PTPRD: variants seen among roughly 807,000 people sequenced by gnomAD.
PTPRD encodes the protein receptor-type tyrosine-protein phosphatase delta.
Under a neutral mutation model 214.5 loss-of-function variants are expected in PTPRD, and 34 were observed. The observed-to-expected ratio is 0.16, with a 90% CI of 0.12 to 0.21. PTPRD has a LOEUF of 0.21. Ranked by LOEUF, PTPRD falls within the 10% of genes least tolerant of loss-of-function variation. The pLI is 1.00. For synonymous variants in PTPRD, 1,128 were observed against 845.7 expected, an observed-to-expected ratio of 1.33 and a Z score of -5.79; for missense variants, 2,545 against 2,398.7, an observed-to-expected ratio of 1.06 and a Z score of -1.27.
At chr9:8,845,442 T>C (rs933345174) in intron 11 of PTPRD, among the ~76,000 whole-genome samples, 1 of 152,188 alleles carries the variant, frequency 6.6e-6, no homozygotes, top group African/African-American at 2.4e-5. Flanking sequence ...ATTCAAGACT[T>C]TACAAGGCCC....
At chr9:9,883,050 G>T (rs2069356709) in intron 5 of PTPRD, among the ~76,000 whole-genome samples, 1 of 152,124 alleles carries the variant, frequency 6.6e-6, no homozygotes, top group Non-Finnish European at 1.5e-5. Flanking sequence ...ATGTTGTCAT[G>T]ATGCTTGTAC....
intron 19 of PTPRD, 105 bp from the exon 20 acceptor site, chr9:8,521,651 T>C (rs756309302): frequency 5.3e-5 from 71 of 1,331,980 alleles, no homozygotes; most frequent in South Asian, 1.1e-4. Context: ...AATTGAAACA[T>C]TGTGGATTGT....
chr9:10,278,660 C>A (rs7025419), intron 3 of PTPRD, among the ~76,000 whole-genome samples: 1 of 152,056 alleles, frequency 6.6e-6, no homozygotes, highest in South Asian at 2.1e-4. Flanking sequence ...ATTTTCAAAT[C>A]ACATTAAACT....
chr9:9,376,311 T>G (rs993047580), intron 9 of PTPRD, among the ~76,000 whole-genome samples: 3 of 152,192 alleles, frequency 2.0e-5, no homozygotes, highest in Non-Finnish European at 4.4e-5. Context: ...TGCTCAGGTT[T>G]GAGCTGCCTC....
At chr9:8,775,321 C>G (rs2095426586) in intron 11 of PTPRD, among the ~76,000 whole-genome samples, 1 of 151,994 alleles carries the variant, frequency 6.6e-6, no homozygotes, top group African/African-American at 2.4e-5. Flanking sequence ...AAAATGTTGC[C>G]TAAGCTTTCA....
At chr9:9,496,555 TAAAAACAAACAAAAAAC>T (rs1286809122) in intron 8 of PTPRD, among the ~76,000 whole-genome samples, 1 of 152,124 alleles carries the variant, frequency 6.6e-6, no homozygotes, top group African/African-American at 2.4e-5. Context: ...GGCTACTATT[TAAAAACAAACAAAAAAC>T]AAAAACAAAC....
chr9:10,174,190 G>A (rs1207672849), intron 3 of PTPRD, among the ~76,000 whole-genome samples: 2 of 152,154 alleles, frequency 1.3e-5, no homozygotes, highest in Non-Finnish European at 2.9e-5. Context: ...TAAACCTCAG[G>A]TTGAAATTTG....
At chr9:9,733,779 A>G (rs1172358749) in intron 7 of PTPRD, among the ~76,000 whole-genome samples, 1 of 152,194 alleles carries the variant, frequency 6.6e-6, no homozygotes, top group African/African-American at 2.4e-5. Context: ...AGATTTCTTC[A>G]TAGTATTAAA....
intron 8 of PTPRD, among the ~76,000 whole-genome samples, chr9:9,524,959 G>A (rs2073732697): frequency 1.3e-5 from 2 of 152,140 alleles, no homozygotes; most frequent in African/African-American, 2.4e-5. Context: ...CCAGGTTCAC[G>A]CCATTCTCCT....
intron 5 of PTPRD, among the ~76,000 whole-genome samples, chr9:9,882,935 CCTCCCTTCT>C (rs1565986090): frequency 1.3e-5 from 2 of 152,064 alleles, no homozygotes; most frequent in Non-Finnish European, 2.9e-5. Flanking sequence ...GAGTCTGAAA[CCTCCCTTCT>C]CTCTTTCTCC....
intron 8 of PTPRD, among the ~76,000 whole-genome samples, chr9:9,420,635 G>C (rs1587921385): frequency 6.6e-6 from 1 of 151,838 alleles, no homozygotes; most frequent in Admixed American, 6.6e-5. Flanking sequence ...CTTTGTATTA[G>C]TGAAAGTTGG....
chr9:9,998,146 A>ATATATATATATATATATATAT (rs1566998658), intron 4 of PTPRD, among the ~76,000 whole-genome samples: 9 of 137,726 alleles, frequency 6.5e-5, no homozygotes, highest in African/African-American at 2.2e-4. Context: ...ATATATATAT[A>ATATATATATATATATATATAT]AAAGAAGAAG....
chr9:8,934,453 AT>A (rs1199357384), intron 11 of PTPRD, among the ~76,000 whole-genome samples: 352 of 24,246 alleles, frequency 0.015, 15 homozygotes, highest in South Asian at 0.041. Flanking sequence ...ATATAAATTT[AT>A]ATATATATAA....
intron 14 of PTPRD, among the ~76,000 whole-genome samples, chr9:8,572,446 A>T (rs1259088281): frequency 1.3e-5 from 2 of 152,092 alleles, no homozygotes; most frequent in Non-Finnish European, 2.9e-5. Context: ...AGTTACACAC[A>T]TAAAATGACT....
intron 3 of PTPRD, among the ~76,000 whole-genome samples, chr9:10,230,953 C>A (rs1229502464): frequency 2.0e-5 from 3 of 151,918 alleles, no homozygotes; most frequent in African/African-American, 7.2e-5. Flanking sequence ...TATTGAGAAT[C>A]TTATCTACTT....
At chr9:10,532,818 G>T (rs566506719) in intron 2 of PTPRD, among the ~76,000 whole-genome samples, 26 of 151,782 alleles carry the variant, frequency 1.7e-4, no homozygotes, top group African/African-American at 6.0e-4. Flanking sequence ...AATTCTCTTA[G>T]GTTGTGGTTT....
At chr9:10,165,254 C>A (rs1041176291) in intron 3 of PTPRD, among the ~76,000 whole-genome samples, 1 of 151,636 alleles carries the variant, frequency 6.6e-6, no homozygotes, top group African/African-American at 2.4e-5. Context: ...CTTTTTACAT[C>A]TAACATTTGA....
intron 10 of PTPRD, among the ~76,000 whole-genome samples, chr9:9,147,970 C>T (rs2099871499): frequency 6.6e-6 from 1 of 152,068 alleles, no homozygotes; most frequent in Non-Finnish European, 1.5e-5. Context: ...GATGCATGCT[C>T]CAGCTTGAGA....
chr9:9,964,251 A>G (rs897495937), intron 4 of PTPRD, among the ~76,000 whole-genome samples: 3 of 152,188 alleles, frequency 2.0e-5, no homozygotes, highest in African/African-American at 7.2e-5. Flanking sequence ...TCATCTATCA[A>G]ATATTTAACC....
Sources: gnomAD v4.1 joint callset for allele counts (sites outside exome capture counted in the v4.1 genomes callset) on GRCh38, gnomAD v4.1.1 for gene constraint, MANE v1.5 for transcripts, NCBI Gene and HGNC (gene_info 2026-07-23, HGNC 2026-07-21) for gene names.